TRIO: variants seen among roughly 807,000 people sequenced by gnomAD.
The protein encoded by TRIO is triple functional domain protein.
TRIO carries 58 observed loss-of-function variants against 351.9 expected under a neutral mutation model. That is an observed-to-expected ratio of 0.16 (90% CI 0.13 to 0.21). The LOEUF is 0.21. TRIO is among the 10% of genes least tolerant of loss of function. The probability of loss-of-function intolerance (pLI) is 1.00; values close to 1 mark genes in which losing one functional copy is unlikely to be tolerated. For synonymous variants in TRIO, 1,758 were observed against 1,595.7 expected, an observed-to-expected ratio of 1.10 and a Z score of -2.42; for missense variants, 3,201 against 4,027.8, an observed-to-expected ratio of 0.79 and a Z score of 5.56.
At chr5:14,406,317 T>C (rs1483409620) in intron 32 of TRIO, 3 of 561,266 alleles carry the variant, frequency 5.3e-6, no homozygotes, top group Non-Finnish European at 9.5e-6. Context: ...TGTTTTCTCA[T>C]TTTTAAAATG....
intron 34 of TRIO, among the ~76,000 whole-genome samples, chr5:14,422,516 T>A (rs1298801276): frequency 6.6e-6 from 1 of 152,208 alleles, no homozygotes; most frequent in African/African-American, 2.4e-5. Context: ...AATAATAAGC[T>A]GTTTTAAGGA....
At chr5:14,490,360 T>C (rs1011768644) in intron 48 of TRIO, among the ~76,000 whole-genome samples, 7 of 152,268 alleles carry the variant, frequency 4.6e-5, no homozygotes, top group Non-Finnish European at 8.8e-5. Flanking sequence ...TCTGTCAAGC[T>C]GTCTGTGGTC....
intron 34 of TRIO, among the ~76,000 whole-genome samples, chr5:14,458,148 G>A (rs1284559834): frequency 6.6e-6 from 1 of 151,804 alleles, no homozygotes; most frequent in East Asian, 1.9e-4. Context: ...CCTCCCCACG[G>A]GCCACACTCA....
At chr5:14,231,346 T>C (rs1581403988) in intron 1 of TRIO, among the ~76,000 whole-genome samples, 1 of 152,244 alleles carries the variant, frequency 6.6e-6, no homozygotes. Context: ...TGAAGCAGTT[T>C]TGGCTTTTTC....
intron 1 of TRIO, among the ~76,000 whole-genome samples, chr5:14,195,667 G>GT (rs747097733): frequency 1.3e-5 from 2 of 152,180 alleles, no homozygotes; most frequent in East Asian, 1.9e-4. Context: ...CACTTTTGTA[G>GT]TTTAAGTCCT....
intron 34 of TRIO, among the ~76,000 whole-genome samples, chr5:14,422,491 A>G (rs1472908088): frequency 2.0e-5 from 3 of 152,168 alleles, no homozygotes; most frequent in Non-Finnish European, 2.9e-5. Flanking sequence ...TCAAATGACT[A>G]TTTATTTGCT....
intron 13 of TRIO, among the ~76,000 whole-genome samples, chr5:14,362,996 AT>A (rs1471035687): frequency 1.5e-5 from 2 of 134,738 alleles, no homozygotes; most frequent in Admixed American, 8.4e-5. Context: ...TTGGTTTTCT[AT>A]CTACTTTTTT....
intron 5 of TRIO, among the ~76,000 whole-genome samples, chr5:14,292,271 G>A (rs1215922534): frequency 6.6e-6 from 1 of 152,172 alleles, no homozygotes; most frequent in Non-Finnish European, 1.5e-5. Flanking sequence ...GTTTTAAGTA[G>A]CACCTTGTCT....
At chr5:14,207,362 A>G (rs1230601460) in intron 1 of TRIO, among the ~76,000 whole-genome samples, 1 of 54,396 alleles carries the variant, frequency 1.8e-5, no homozygotes, top group African/African-American at 7.0e-5. Flanking sequence ...ACACACACAC[A>G]GAGCCAGGTA....
chr5:14,369,781 G>A (rs1744920882), intron 18 of TRIO, among the ~76,000 whole-genome samples: 1 of 152,242 alleles, frequency 6.6e-6, no homozygotes, highest in Admixed American at 6.5e-5. Context: ...TTGGTTGGAA[G>A]TCACAATACC....
rs1756082241 is a variant in TRIO at position 14,487,857 on chromosome 5, C to T, written c.7229C>T (p.Pro2410Leu). ...TCCGAGCGAGAAGCGGAGCCGATCC[C>T]CAAGATGAAGGTGCTGGAGAGCCCC... ...EGSEREAEPI[P>L]KMKVLESPRK... The change falls in exon 48 of 57, where the codon CCC becomes CTC. Residue 2410 changes from proline (P) to leucine (L), a missense_variant. Pro to Leu is a moderately conservative substitution (Grantham distance 98). Around this residue, in one of 19 missense-constraint regions of TRIO, gnomAD observed 1,089 missense variants for 954.9 expected, o/e 1.14. Transcript: ENST00000344204. 6.5e-6 allele frequency: 10 copies of T among 1,531,128 alleles called. No individual in the cohort carries two copies. The highest frequency in any genetic ancestry group is 8.8e-6 in the Non-Finnish European group (10 of 1,138,874). 94.8% of individuals were successfully genotyped at this position (1,531,128 alleles called of 1,614,324 possible). A position where few individuals can be genotyped will look rare whatever the true frequency, so the allele number is the denominator to read the frequency against.
intron 13 of TRIO, among the ~76,000 whole-genome samples, chr5:14,360,600 C>T (rs985803386): frequency 6.6e-6 from 1 of 152,222 alleles, no homozygotes; most frequent in African/African-American, 2.4e-5. Flanking sequence ...CTGGGGATGG[C>T]AGGGCTGTGC....
In TRIO at chr5:14,507,814, G is replaced by A. The variant is rs78061843; in HGVS notation, c.8752-66G>A. 5.1e-4 allele frequency: 794 copies of A among 1,547,598 alleles called. 5 individuals carry two copies. The East Asian group carries it at 7.2e-3, about 14-fold the overall frequency. On this transcript the variant is annotated intron_variant, in intron 56 of 56. Coordinates refer to ENST00000344204, the MANE Select transcript of TRIO (RefSeq NM_007118.4). ...TCCTTCCACCTCACCATAGAGTCCCGCCCATCATCACGAGTAAGCTTAAGA... is the reference window on the plus strand; with the variant it reads ...TCCTTCCACCTCACCATAGAGTCCCACCCATCATCACGAGTAAGCTTAAGA...
intron 34 of TRIO, among the ~76,000 whole-genome samples, chr5:14,454,572 T>C (rs152426): frequency 0.095 from 14,501 of 152,272 alleles, 827 homozygotes; most frequent in Admixed American, 0.18. Flanking sequence ...AATAATAGCT[T>C]GCAGCTGGTT....
At chr5:14,296,191 G>T (rs1454599100) in intron 6 of TRIO, among the ~76,000 whole-genome samples, 1 of 152,116 alleles carries the variant, frequency 6.6e-6, no homozygotes, top group Non-Finnish European at 1.5e-5. Flanking sequence ...GGGCAACGTT[G>T]AGAGGAGCCA....
At position 14,380,270 on chromosome 5, in the gene TRIO, G is replaced by A. The variant is rs761832235; in HGVS notation, c.3448-860G>A. 1.5e-4 allele frequency among the ~76,000 whole-genome samples: 4 copies of A among 27,546 alleles called. No homozygotes were observed. In the East Asian group the frequency reaches 3.8e-3, roughly 26 times the overall value. The allele number at this position is 27,546 out of a possible 152,430, so 18.1% of individuals were successfully genotyped here. A position where few individuals can be genotyped will look rare whatever the true frequency, so the allele number is the denominator to read the frequency against. ...CTCAGTTCCCTCTTCCCGGCGCCCCGCCTCCTCCTTCGCGCCCCGCCTCCT... is the reference window on the plus strand; with the variant it reads ...CTCAGTTCCCTCTTCCCGGCGCCCCACCTCCTCCTTCGCGCCCCGCCTCCT... On this transcript the variant is annotated intron_variant, in intron 20 of 56. Transcript: ENST00000344204.
At chr5:14,190,661 T>C (rs1446154358) in intron 1 of TRIO, among the ~76,000 whole-genome samples, 1 of 152,156 alleles carries the variant, frequency 6.6e-6, no homozygotes, top group African/African-American at 2.4e-5. Flanking sequence ...CTGCCCCTTA[T>C]TCACTTAAAG....
chr5:14,241,745 G>C (rs6876763), intron 1 of TRIO, among the ~76,000 whole-genome samples: 2 of 151,894 alleles, frequency 1.3e-5, no homozygotes, highest in Non-Finnish European at 1.5e-5. Flanking sequence ...TGTTTCTTCT[G>C]TCTTCCCCCA....
intron 11 of TRIO, among the ~76,000 whole-genome samples, chr5:14,350,296 C>T (rs1742941842): frequency 6.6e-6 from 1 of 152,188 alleles, no homozygotes; most frequent in African/African-American, 2.4e-5. Flanking sequence ...TGGCTGCTCT[C>T]CAAATGACCT....
Sources: gnomAD v4.1 joint callset for allele counts (sites outside exome capture counted in the v4.1 genomes callset) on GRCh38, gnomAD v4.1.1 for gene constraint, gnomAD v4.1.1 regional missense constraint, MANE v1.5 for transcripts, NCBI Gene and HGNC (gene_info 2026-07-23, HGNC 2026-07-21) for gene names.